Variants in MLIP observed in about 807,000 individuals in gnomAD.
The protein encoded by MLIP is muscular LMNA-interacting protein.
In MLIP, 79 loss-of-function variants were observed where a neutral mutation model predicts 84.8. The ratio of observed to expected loss-of-function variants is 0.93; its 90% confidence interval spans 0.78 to 1.12. The LOEUF (loss-of-function observed/expected upper bound fraction) is 1.12. MLIP is among the 50% of genes most tolerant of loss of function. MLIP has a pLI of 0.00. For missense variants in MLIP, 1,257 were observed against 1,160.6 expected (o/e 1.08, Z -1.21); for synonymous variants, 504 against 463.0 (o/e 1.09, Z -1.14).
At chr6:54,246,922 T>C (rs1382431679) in intron 12 of MLIP, among the ~76,000 whole-genome samples, 1 of 152,148 alleles carries the variant, frequency 6.6e-6, no homozygotes, top group African/African-American at 2.4e-5. Flanking sequence ...TTCATAGTAA[T>C]TCATGGTTTG....
In MLIP at chr6:54,230,906, G is replaced by A. The variant is rs145131028; in HGVS notation, c.2911G>A (p.Ala971Thr). Residue 971 changes from alanine to threonine, a missense_variant, in exon 12 of 14, where the codon GCA becomes ACA. Physicochemically the swap from Ala to Thr is moderately conservative, Grantham distance 58 (BLOSUM62 0). Coordinates refer to ENST00000502396, the MANE Select transcript of MLIP (RefSeq NM_001281747.2). Reference protein sequence around the residue: ...ENSHTLLSHNACNKLSHPMVA... With the variant: ...ENSHTLLSHNTCNKLSHPMVA... ...TTCTCACACCCTCCTCAGTCACAAC[G>A]CATGCAACAAGGTGAGAACTCCTCC... is the stretch of plus-strand genomic sequence containing the variant. The A allele has an allele frequency of 5.0e-5, 81 of 1,613,814 alleles. No homozygotes were observed. In the African/African-American group the frequency reaches 7.2e-4, roughly 14 times the overall value.
chr6:54,139,426 G>A (rs1248459054), intron 4 of MLIP, among the ~76,000 whole-genome samples: 2 of 152,074 alleles, frequency 1.3e-5, no homozygotes, highest in Non-Finnish European at 2.9e-5. Flanking sequence ...TAATGAAGAG[G>A]AAAGAAGTTG....
chr6:54,256,538 C>T (rs1005997490), intron 12 of MLIP, among the ~76,000 whole-genome samples: 2 of 151,942 alleles, frequency 1.3e-5, no homozygotes, highest in Non-Finnish European at 2.9e-5. Flanking sequence ...ATGGTTAATA[C>T]CAAAAAAGGG....
chr6:54,211,165 A>G (rs2792651), intron 11 of MLIP, among the ~76,000 whole-genome samples: 147,445 of 152,274 alleles, frequency 0.97, 71,568 homozygotes, highest in East Asian at 1. Context: ...GCTTGAGGTT[A>G]CTGTGAGCCA....
intron 3 of MLIP, among the ~76,000 whole-genome samples, chr6:54,131,843 G>T (rs929599774): frequency 6.6e-6 from 1 of 152,060 alleles, no homozygotes; most frequent in Non-Finnish European, 1.5e-5. Context: ...CAATAATTTG[G>T]GCTGTTTTCA....
intron 1 of MLIP, among the ~76,000 whole-genome samples, chr6:54,100,470 A>G (rs535899219): frequency 6.6e-6 from 1 of 152,164 alleles, no homozygotes; most frequent in East Asian, 1.9e-4. Context: ...TGTTTTCCTC[A>G]TATTTTCTAT....
intron 9 of MLIP, among the ~76,000 whole-genome samples, 179 bp from the exon 10 acceptor site, chr6:54,189,691 G>T (rs370153077): frequency 2.5e-4 from 38 of 152,156 alleles, no homozygotes; most frequent in African/African-American, 8.7e-4. Context: ...TTATGGCTAT[G>T]TACCAAAAAT....
chr6:54,097,465 C>A (rs1768296961), intron 1 of MLIP, among the ~76,000 whole-genome samples: 1 of 152,148 alleles, frequency 6.6e-6, no homozygotes, highest in African/African-American at 2.4e-5. Context: ...TAGGCAACAA[C>A]ATACACAGCT....
chr6:54,147,850 T>G (rs962145062), intron 4 of MLIP, among the ~76,000 whole-genome samples: 2 of 152,118 alleles, frequency 1.3e-5, no homozygotes, highest in African/African-American at 2.4e-5. Context: ...GGCCTTGGGT[T>G]GCTAATTCCT....
At chr6:54,085,606 G>A (rs1457780881) in intron 1 of MLIP, among the ~76,000 whole-genome samples, 2 of 152,148 alleles carry the variant, frequency 1.3e-5, no homozygotes, top group Non-Finnish European at 2.9e-5. Flanking sequence ...ACGAATCAGT[G>A]AGATTAAAGG....
At chr6:54,263,221 T>C (rs768964772) in intron 13 of MLIP, among the ~76,000 whole-genome samples, 1 of 152,046 alleles carries the variant, frequency 6.6e-6, no homozygotes, top group Non-Finnish European at 1.5e-5. Context: ...CTCACATCAT[T>C]CAGATGTCAC....
chr6:54,237,809 C>T (rs1781469972), intron 12 of MLIP, among the ~76,000 whole-genome samples: 1 of 152,014 alleles, frequency 6.6e-6, no homozygotes, highest in African/African-American at 2.4e-5. Flanking sequence ...GTGATTGTGT[C>T]ACTGCATTCT....
At chr6:54,023,568 A>T (rs939636937) in intron 1 of MLIP, among the ~76,000 whole-genome samples, 1 of 151,922 alleles carries the variant, frequency 6.6e-6, no homozygotes, top group Admixed American at 6.6e-5. Flanking sequence ...TTTTTATTTA[A>T]TTAATTAATT....
intron 10 of MLIP, among the ~76,000 whole-genome samples, chr6:54,192,115 T>C (rs535669623): frequency 2.0e-5 from 3 of 152,122 alleles, no homozygotes; most frequent in African/African-American, 7.2e-5. Flanking sequence ...TGTTCTCTAG[T>C]GGCAAAACTA....
At chr6:54,261,246 T>C (rs1783370058) in intron 13 of MLIP, among the ~76,000 whole-genome samples, 1 of 152,066 alleles carries the variant, frequency 6.6e-6, no homozygotes, top group African/African-American at 2.4e-5. Flanking sequence ...CTTCTCCTTC[T>C]GCAGACTTGT....
At chr6:54,081,879 A>G (rs1767181968) in intron 1 of MLIP, among the ~76,000 whole-genome samples, 1 of 152,052 alleles carries the variant, frequency 6.6e-6, no homozygotes, top group African/African-American at 2.4e-5. Flanking sequence ...CACATTTTTC[A>G]GCTTATTTGT....
At chr6:54,209,964 A>G (rs1291111427) in intron 11 of MLIP, among the ~76,000 whole-genome samples, 5 of 148,888 alleles carry the variant, frequency 3.4e-5, no homozygotes, top group African/African-American at 1.2e-4. Flanking sequence ...CTATACATTC[A>G]TCTGTGTGAA....
chr6:54,027,374 TACACACAC>T (rs70980886), intron 1 of MLIP, among the ~76,000 whole-genome samples: 8,312 of 148,518 alleles, frequency 0.056, 287 homozygotes, highest in South Asian at 0.1. Context: ...ATAAAAAAAA[TACACACAC>T]ACACACACAC....
intron 1 of MLIP, chr6:54,046,658 A>G (rs1765072166): frequency 6.6e-6 from 1 of 152,224 alleles, no homozygotes; most frequent in African/African-American, 2.4e-5. Flanking sequence ...CAGAATTAAC[A>G]TTCTTTTGTT....
Sources: gnomAD v4.1 joint callset for allele counts (sites outside exome capture counted in the v4.1 genomes callset) on GRCh38, gnomAD v4.1.1 for gene constraint, MANE v1.5 for transcripts, NCBI Gene and HGNC (gene_info 2026-07-23, HGNC 2026-07-21) for gene names.